KPNA1: variants seen among roughly 807,000 people sequenced by gnomAD.
The protein encoded by KPNA1 is karyopherin subunit alpha 1.
KPNA1 carries 10 observed loss-of-function variants against 70.5 expected under a neutral mutation model. The ratio of observed to expected loss-of-function variants is 0.14; its 90% CI spans 0.09 to 0.24. The LOEUF (loss-of-function observed/expected upper bound fraction) is 0.24. KPNA1 is among the 10% of genes least tolerant of loss of function. The pLI is 1.00. For synonymous variants in KPNA1, 192 were observed against 221.9 expected, an observed-to-expected ratio of 0.87 and a Z score of 1.20; for missense variants, 397 against 637.9, an observed-to-expected ratio of 0.62 and a Z score of 4.07.
At chr3:122,429,351 TGAGGCAGAATTGCTTGAACACAGGAGGCG>T (rs927401075) in intron 12 of KPNA1, among the ~76,000 whole-genome samples, 3 of 145,310 alleles carry the variant, frequency 2.1e-5, no homozygotes, top group Non-Finnish European at 4.5e-5. Context: ...CTTGGGAGGC[TGAGGCAGAATTGCTTGAACACAGGAGGCG>T]GAGGTTGCAG....
chr3:122,480,809 A>G (rs2076563044), intron 2 of KPNA1, among the ~76,000 whole-genome samples: 1 of 152,158 alleles, frequency 6.6e-6, no homozygotes, highest in African/African-American at 2.4e-5. Context: ...CAATACAGTG[A>G]GACTCTGTGT....
chr3:122,437,541 T>C (rs2076005153), intron 10 of KPNA1, among the ~76,000 whole-genome samples: 1 of 152,248 alleles, frequency 6.6e-6, no homozygotes, highest in Non-Finnish European at 1.5e-5. Flanking sequence ...ATGTTACTAT[T>C]GTAATTACAA....
chr3:122,476,861 C>CAAAAAAAAAAAAAAAAAAAAAAAAAAAA lies in KPNA1; in HGVS notation c.130-9433_130-9432insTTTTTTTTTTTTTTTTTTTTTTTTTTTT, dbSNP rs144118691. ...TATGAAAAACAGTATGGAGGTTCCA[C>CAAAAAAAAAAAAAAAAAAAAAAAAAAAA]AAAAAAAAAAAAAAAAAAAAAAACT... On this transcript the variant is annotated intron_variant, in intron 2 of 13. Coordinates refer to ENST00000344337, the MANE Select transcript of KPNA1 (RefSeq NM_002264.4). Among the ~76,000 whole-genome samples the CAAAAAAAAAAAAAAAAAAAAAAAAAAAA allele has an allele frequency of 4.1e-4, 27 of 65,498 alleles. 2 individuals are homozygous for CAAAAAAAAAAAAAAAAAAAAAAAAAAAA. The highest frequency in any genetic ancestry group is 1.7e-3 in the East Asian group (2 of 1,190). The allele number at this position is 65,498 out of a possible 152,430, so 43.0% of individuals were successfully genotyped here. A position where few individuals can be genotyped will look rare whatever the true frequency, so the allele number is the denominator to read the frequency against.
At chr3:122,496,296 G>A in intron 2 of KPNA1, 141 bp downstream of exon 2, 1 of 627,454 alleles carries the variant, frequency 1.6e-6, no homozygotes, top group South Asian at 2.2e-5. Flanking sequence ...AAAAAGTGTT[G>A]ATTTTACAGG....
At chr3:122,506,102 T>C (rs1002377037) in intron 1 of KPNA1, among the ~76,000 whole-genome samples, 3 of 99,688 alleles carry the variant, frequency 3.0e-5, no homozygotes, top group Admixed American at 9.5e-5. Flanking sequence ...GTGTAGATCT[T>C]TTTATATTTT....
chr3:122,465,246 G>T (rs368015965), intron 3 of KPNA1, among the ~76,000 whole-genome samples: 18 of 152,256 alleles, frequency 1.2e-4, no homozygotes, highest in African/African-American at 4.3e-4. Context: ...AATGAATGGG[G>T]TTATGCCCCA....
At chr3:122,484,722 T>C (rs2076610135) in intron 2 of KPNA1, among the ~76,000 whole-genome samples, 1 of 152,044 alleles carries the variant, frequency 6.6e-6, no homozygotes, top group Non-Finnish European at 1.5e-5. Context: ...CATAAATAAA[T>C]GAAGATACTG....
chr3:122,457,904 A>G, intron 5 of KPNA1: 1 of 1,274,340 alleles, frequency 7.8e-7, no homozygotes, highest in Non-Finnish European at 1.0e-6. Context: ...CAGATAGCAA[A>G]CTCTGCAGAG....
At position 122,423,544 on chromosome 3, in the gene KPNA1, T is replaced by C. The variant is rs978041274; in HGVS notation, c.*3441A>G. 22 of 152,574 alleles carry C rather than the reference T, an allele frequency of 1.4e-4. No homozygotes were observed. Among genetic ancestry groups the C allele is most frequent in the African/African-American group, 4.6e-4 (19 of 41,426 alleles). 9.5% of individuals were successfully genotyped at this position (152,574 alleles called of 1,614,324 possible). A position where few individuals can be genotyped will look rare whatever the true frequency, so the allele number is the denominator to read the frequency against. On this transcript the variant is annotated 3_prime_UTR_variant, in exon 14 of 14. Coordinates refer to ENST00000344337, the MANE Select transcript of KPNA1 (RefSeq NM_002264.4). ...TGATTTGCCTATTGATATAAAAATT[T>C]TCACAAAACTAGCGAGAAAGAAAAA...
intron 11 of KPNA1, among the ~76,000 whole-genome samples, chr3:122,435,420 A>C (rs778052223): frequency 5.3e-5 from 8 of 152,242 alleles, no homozygotes; most frequent in Non-Finnish European, 1.2e-4. Context: ...TATTTAAAGA[A>C]AAATGGGTAT....
chr3:122,457,039 AGAG>A (rs2076272156), intron 5 of KPNA1, among the ~76,000 whole-genome samples: 3 of 152,222 alleles, frequency 2.0e-5, no homozygotes, highest in Admixed American at 2.0e-4. Flanking sequence ...CATATGTATG[AGAG>A]GAGGGAGTAA....
At chr3:122,492,610 G>A (rs1052418149) in intron 2 of KPNA1, among the ~76,000 whole-genome samples, 6 of 152,084 alleles carry the variant, frequency 3.9e-5, no homozygotes, top group South Asian at 4.1e-4. Flanking sequence ...GTCTCAATTT[G>A]AATTAGCCAC....
At chr3:122,430,767 A>G (rs73188402) in intron 12 of KPNA1, among the ~76,000 whole-genome samples, 20,296 of 152,146 alleles carry the variant, frequency 0.13, 1,431 homozygotes, top group Middle Eastern at 0.27. Flanking sequence ...AACAGTGCTA[A>G]AACAACTGAA....
chr3:122,465,596 T>C (rs1422191400), intron 3 of KPNA1, among the ~76,000 whole-genome samples: 2 of 152,236 alleles, frequency 1.3e-5, no homozygotes, highest in African/African-American at 2.4e-5. Context: ...ACATTTTTAG[T>C]TGCACAAAGG....
intron 11 of KPNA1, among the ~76,000 whole-genome samples, chr3:122,434,901 A>G (rs930366060): frequency 7.9e-5 from 12 of 152,226 alleles, no homozygotes; most frequent in African/African-American, 2.7e-4. Context: ...TATGAATGCT[A>G]TAGATTGTTA....
chr3:122,472,592 A>G (rs563629008), intron 2 of KPNA1, among the ~76,000 whole-genome samples: 1 of 152,254 alleles, frequency 6.6e-6, no homozygotes, highest in Non-Finnish European at 1.5e-5. Context: ...GCAGATATCA[A>G]TGTAACTGAA....
At chr3:122,461,816 T>C (rs991903494) in intron 4 of KPNA1, among the ~76,000 whole-genome samples, 2 of 152,230 alleles carry the variant, frequency 1.3e-5, no homozygotes, top group African/African-American at 4.8e-5. Flanking sequence ...TTAGTCTCAC[T>C]TTCATTCATG....
At chr3:122,508,069 CAAAG>C (rs147317995) in intron 1 of KPNA1, among the ~76,000 whole-genome samples, 13,256 of 151,874 alleles carry the variant, frequency 0.087, 755 homozygotes, top group Middle Eastern at 0.21. Flanking sequence ...GAGGAGAAAA[CAAAG>C]AGTTTATGTA....
intron 11 of KPNA1, among the ~76,000 whole-genome samples, chr3:122,435,502 G>A (rs527695939): frequency 5.3e-4 from 80 of 152,290 alleles, no homozygotes; most frequent in Non-Finnish European, 6.2e-4. Flanking sequence ...CTTGGAAAGC[G>A]TTAAAGCCAA....
Sources: allele counts gnomAD v4.1 joint callset (sites outside exome capture counted in the v4.1 genomes callset), GRCh38; gene constraint gnomAD v4.1.1; transcripts MANE v1.5; gene names NCBI Gene and HGNC (gene_info 2026-07-23, HGNC 2026-07-21).